MED13L: variants seen among roughly 807,000 people sequenced by gnomAD.
MED13L encodes the protein mediator of RNA polymerase II transcription subunit 13-like.
Under a neutral mutation model 220.9 loss-of-function variants are expected in MED13L, and 7 were observed. The ratio of observed to expected loss-of-function variants is 0.03; its 90% CI spans 0.02 to 0.06. The LOEUF (loss-of-function observed/expected upper bound fraction) is 0.06. Among genes scored for constraint, MED13L ranks in the 10% least tolerant of loss-of-function variants. MED13L has a pLI of 1.00. For synonymous variants in MED13L, 1,011 were observed against 1,015.2 expected (o/e 1.00, Z 0.08); for missense variants, 1,965 against 2,760.5 (o/e 0.71, Z 6.46).
intron 14 of MED13L, among the ~76,000 whole-genome samples, chr12:115,998,433 A>C (rs1306935108): frequency 6.6e-6 from 1 of 152,216 alleles, no homozygotes; most frequent in East Asian, 1.9e-4. Flanking sequence ...ACACTGGGCA[A>C]CTGTACCGTG....
At chr12:115,965,232 G>A (rs1242174973) in intron 29 of MED13L, among the ~76,000 whole-genome samples, 1 of 152,134 alleles carries the variant, frequency 6.6e-6, no homozygotes, top group Non-Finnish European at 1.5e-5. Flanking sequence ...ACATAGAAAT[G>A]GTCTCCATTT....
intron 2 of MED13L, among the ~76,000 whole-genome samples, chr12:116,152,110 A>G (rs1047242068): frequency 6.6e-6 from 1 of 152,206 alleles, no homozygotes; most frequent in Non-Finnish European, 1.5e-5. Flanking sequence ...TTTGTTTCAT[A>G]CAGGTTCTCT....
chr12:115,983,641 G>C (rs1341518978), intron 20 of MED13L, 101 bp from the exon 21 acceptor site: 1 of 1,258,760 alleles, frequency 7.9e-7, no homozygotes, highest in Non-Finnish European at 1.1e-6. Flanking sequence ...ATGCTTTCAG[G>C]CTGCAATACT....
intron 4 of MED13L, among the ~76,000 whole-genome samples, chr12:116,030,291 A>T (rs1336173107): frequency 6.6e-6 from 1 of 151,798 alleles, no homozygotes; most frequent in Non-Finnish European, 1.5e-5. Context: ...TTTTTTTTTT[A>T]AAGGTTAAAA....
chr12:116,012,806 G>A lies in MED13L; in HGVS notation c.1271C>T (p.Ser424Phe), dbSNP rs1272102782. 10 of 1,611,766 alleles carry A rather than the reference G, an allele frequency of 6.2e-6. No individual in the cohort carries two copies. The highest frequency in any genetic ancestry group is 1.3e-5 in the African/African-American group (1 of 74,876). The change falls in exon 9 of 31, where the codon TCT (serine) becomes TTT (phenylalanine). Residue 424 changes from serine (S) to phenylalanine (F), a missense_variant. Around this residue, in one of 10 missense-constraint regions of MED13L, gnomAD observed 818 missense variants for 1,041.2 expected, o/e 0.79. Coordinates refer to ENST00000281928, the MANE Select transcript of MED13L (RefSeq NM_015335.5). ...FVDPTQRVSCSCSRHKLLKRC... is the reference protein window; with the variant it reads ...FVDPTQRVSCFCSRHKLLKRC... ...CTTTTTTATTACCTACCTGGAACAA[G>A]AACAGCTGACTCTTTGGGTTGGATC...
At chr12:116,037,657 T>C (rs1881269002) in intron 4 of MED13L, among the ~76,000 whole-genome samples, 1 of 152,120 alleles carries the variant, frequency 6.6e-6, no homozygotes, top group South Asian at 2.1e-4. Flanking sequence ...TATAAATTCT[T>C]CCAGACTGTA....
intron 26 of MED13L, 82 bp downstream of exon 26, chr12:115,971,996 C>G: frequency 1.4e-6 from 2 of 1,440,678 alleles, no homozygotes; most frequent in Non-Finnish European, 1.9e-6. Flanking sequence ...GAAGACAATT[C>G]TACCCTTGTC....
intron 1 of MED13L, among the ~76,000 whole-genome samples, chr12:116,243,705 A>G (rs917255635): frequency 2.1e-4 from 32 of 152,058 alleles, no homozygotes; most frequent in African/African-American, 7.7e-4. Context: ...CAGTAAAATC[A>G]AGAGACGTTG....
At chr12:116,067,285 G>A (rs1437440494) in intron 4 of MED13L, among the ~76,000 whole-genome samples, 2 of 152,046 alleles carry the variant, frequency 1.3e-5, no homozygotes, top group Non-Finnish European at 2.9e-5. Flanking sequence ...TACATCAACT[G>A]TAGACATATT....
chr12:116,191,567 C>T (rs1881284351), intron 2 of MED13L, among the ~76,000 whole-genome samples: 1 of 151,966 alleles, frequency 6.6e-6, no homozygotes, highest in African/African-American at 2.4e-5. Context: ...TGACCTCAAG[C>T]AATCCACCCA....
chr12:116,081,118 C>T (rs1347449108), intron 4 of MED13L, among the ~76,000 whole-genome samples: 1 of 152,052 alleles, frequency 6.6e-6, no homozygotes, highest in East Asian at 1.9e-4. Flanking sequence ...AGAGAGAGCC[C>T]CTATTATGGC....
intron 4 of MED13L, among the ~76,000 whole-genome samples, chr12:116,063,082 C>A (rs1869640230): frequency 1.3e-5 from 2 of 152,166 alleles, no homozygotes; most frequent in Non-Finnish European, 2.9e-5. Context: ...CCCACCCAGG[C>A]CCTTAGCACA....
chr12:116,089,816 G>A (rs1872031996), intron 4 of MED13L, among the ~76,000 whole-genome samples: 1 of 152,072 alleles, frequency 6.6e-6, no homozygotes, highest in African/African-American at 2.4e-5. Context: ...TTACTGAGAT[G>A]CCATGAAAAA....
intron 29 of MED13L, among the ~76,000 whole-genome samples, chr12:115,964,040 T>C (rs113387887): frequency 3.3e-5 from 5 of 152,214 alleles, no homozygotes; most frequent in Non-Finnish European, 7.4e-5. Flanking sequence ...TGAGCTGTGA[T>C]TGCACCACTG....
rs1055832506 is a variant in MED13L at position 116,052,868 on chromosome 12, G to A, written c.480-30267C>T. 2.0e-5 allele frequency among the ~76,000 whole-genome samples: 3 copies of A among 152,166 alleles called. No homozygotes were observed. In the South Asian group the frequency reaches 6.2e-4, roughly 31 times the overall value. Reference sequence around the variant, plus strand: ...AAGAATAATCCATACATTAATTATGGAGTGTTTAATGTATTTTGATTAAAT... The same window carrying A: ...AAGAATAATCCATACATTAATTATGAAGTGTTTAATGTATTTTGATTAAAT... On this transcript the variant is annotated intron_variant, in intron 4 of 30. Transcript: ENST00000281928.
Position 116,164,676 on chromosome 12 carries a change from T to C in MED13L, c.311-53164A>G, listed in dbSNP as rs142988195. Reference sequence around the variant, plus strand: ...AGCACCATGGATTGACCACTGACAATTACACACACGACATCACAGACTGGT... The same window carrying C: ...AGCACCATGGATTGACCACTGACAACTACACACACGACATCACAGACTGGT... On this transcript the variant is annotated intron_variant, in intron 2 of 30. Transcript: ENST00000281928. Among the ~76,000 whole-genome samples, 391 of 152,244 alleles carry C rather than the reference T, an allele frequency of 2.6e-3. 2 individuals are homozygous for C. The highest frequency in any genetic ancestry group is 8.6e-3 in the African/African-American group (359 of 41,524).
intron 2 of MED13L, among the ~76,000 whole-genome samples, chr12:116,170,166 C>A (rs138937637): frequency 8.9e-4 from 136 of 152,314 alleles, no homozygotes; most frequent in African/African-American, 3.1e-3. Context: ...TATGTTGACA[C>A]ATTTTACCAA....
chr12:116,007,097 T>G, intron 11 of MED13L: 1 of 381,284 alleles, frequency 2.6e-6, no homozygotes, highest in Non-Finnish European at 4.9e-6. Flanking sequence ...TAGTTCGGAA[T>G]AATATTTTAA....
At chr12:116,104,169 CCTGT>C (rs1441662667) in intron 3 of MED13L, among the ~76,000 whole-genome samples, 2 of 151,994 alleles carry the variant, frequency 1.3e-5, no homozygotes, top group Non-Finnish European at 2.9e-5. Flanking sequence ...TGCAACCACA[CCTGT>C]CTAATTTTGC....
Sources: allele counts gnomAD v4.1 joint callset (sites outside exome capture counted in the v4.1 genomes callset), GRCh38; gene constraint gnomAD v4.1.1; regional missense constraint gnomAD v4.1.1; transcripts MANE v1.5; gene names NCBI Gene and HGNC (gene_info 2026-07-23, HGNC 2026-07-21).